Variants in ZNF385D observed in about 807,000 individuals in gnomAD.
ZNF385D encodes zinc finger protein 659.
ZNF385D carries 15 observed loss-of-function variants against 35.8 expected under a neutral mutation model. That is an observed-to-expected ratio of 0.42 (90% CI 0.28 to 0.64). The LOEUF (loss-of-function observed/expected upper bound fraction) is 0.64. ZNF385D is among the 30% of genes least tolerant of loss of function. The probability of loss-of-function intolerance (pLI) is 0.23; values close to 1 mark genes in which losing one functional copy is unlikely to be tolerated. For synonymous variants in ZNF385D, 212 were observed against 186.8 expected, an observed-to-expected ratio of 1.13 and a Z score of -1.10; for missense variants, 474 against 494.6, an observed-to-expected ratio of 0.96 and a Z score of 0.39.
intron 3 of ZNF385D, among the ~76,000 whole-genome samples, chr3:22,148,465 G>A (rs1705005791): frequency 6.6e-6 from 1 of 152,148 alleles, no homozygotes. Flanking sequence ...TGAAACTACT[G>A]AAGGATGGGC....
At chr3:22,066,853 C>T (rs1699988268) in intron 3 of ZNF385D, among the ~76,000 whole-genome samples, 2 of 152,210 alleles carry the variant, frequency 1.3e-5, no homozygotes, top group African/African-American at 2.4e-5. Context: ...TCCTTGAAAA[C>T]ATAATCCAGG....
At chr3:21,737,240 A>G (rs1466299679) in intron 1 of ZNF385D, among the ~76,000 whole-genome samples, 2 of 152,340 alleles carry the variant, frequency 1.3e-5, no homozygotes, top group Non-Finnish European at 2.9e-5. Context: ...AGATAGATAC[A>G]TGTGTCCATG....
chr3:21,919,061 C>A (rs916183117), intron 3 of ZNF385D, among the ~76,000 whole-genome samples: 1 of 152,294 alleles, frequency 6.6e-6, no homozygotes, highest in South Asian at 2.1e-4. Flanking sequence ...TGGACATGGT[C>A]TTCTCTAATA....
At chr3:22,028,327 C>T (rs145814199) in intron 3 of ZNF385D, among the ~76,000 whole-genome samples, 248 of 152,252 alleles carry the variant, frequency 1.6e-3, no homozygotes, top group African/African-American at 5.5e-3. Context: ...CCTCTGTCAT[C>T]GCCCAGTGGG....
intron 3 of ZNF385D, among the ~76,000 whole-genome samples, chr3:22,081,060 A>G (rs934742656): frequency 1.3e-5 from 2 of 152,160 alleles, no homozygotes; most frequent in African/African-American, 4.8e-5. Context: ...TTTTCCAGAT[A>G]TCTCCAACTA....
intron 2 of ZNF385D, among the ~76,000 whole-genome samples, chr3:22,335,604 A>G (rs1291950700): frequency 6.6e-6 from 1 of 152,098 alleles, no homozygotes; most frequent in African/African-American, 2.4e-5. Context: ...GTTCTCCCTC[A>G]CTGCAACAGG....
chr3:21,460,432 A>G (rs1703092195), intron 4 of ZNF385D, among the ~76,000 whole-genome samples: 6 of 152,216 alleles, frequency 3.9e-5, no homozygotes, highest in Admixed American at 3.9e-4. Context: ...AACTTTGATT[A>G]TGCTAAACTA....
At chr3:21,907,505 G>C (rs1280037947) in intron 3 of ZNF385D, among the ~76,000 whole-genome samples, 1 of 152,030 alleles carries the variant, frequency 6.6e-6, no homozygotes, top group Non-Finnish European at 1.5e-5. Flanking sequence ...AGTCCTTATG[G>C]TTGGAATTCA....
At chr3:22,179,496 C>T (rs561051766) in intron 2 of ZNF385D, among the ~76,000 whole-genome samples, 47 of 152,276 alleles carry the variant, frequency 3.1e-4, no homozygotes, top group Middle Eastern at 6.8e-3. Context: ...GCTGAGACGA[C>T]GGGGTTTTCT....
chr3:21,584,871 C>T (rs950881089), intron 2 of ZNF385D, among the ~76,000 whole-genome samples: 19 of 152,170 alleles, frequency 1.2e-4, no homozygotes, highest in Admixed American at 3.3e-4. Context: ...ATTCCATGCA[C>T]TTCATGTACC....
At chr3:21,911,683 A>G (rs1273977758) in intron 3 of ZNF385D, among the ~76,000 whole-genome samples, 3 of 151,948 alleles carry the variant, frequency 2.0e-5, no homozygotes, top group East Asian at 1.9e-4. Flanking sequence ...TATTAACATT[A>G]AAAGCCATTA....
rs550595881 is a variant in ZNF385D at position 21,890,076 on chromosome 3, T to C, written c.326-225048A>G. 2.0e-5 allele frequency among the ~76,000 whole-genome samples: 3 copies of C among 152,250 alleles called. No homozygotes were observed. The South Asian group carries it at 6.2e-4, about 32-fold the overall frequency. ...TTAAATACCCTATCTGCAAATAACATCAAATTCAGCTGTACTGTGGATTTG... is the reference window on the plus strand; with the variant it reads ...TTAAATACCCTATCTGCAAATAACACCAAATTCAGCTGTACTGTGGATTTG... On this transcript the variant is annotated intron_variant, in intron 3 of 5. Transcript: ENST00000494108.
At chr3:22,020,251 C>G (rs1256827525) in intron 3 of ZNF385D, among the ~76,000 whole-genome samples, 1 of 151,722 alleles carries the variant, frequency 6.6e-6, no homozygotes, top group Non-Finnish European at 1.5e-5. Context: ...AGAATAGGAG[C>G]CAGCAAGGTC....
At chr3:21,823,928 G>A (rs972812340) in intron 3 of ZNF385D, among the ~76,000 whole-genome samples, 14 of 152,132 alleles carry the variant, frequency 9.2e-5, no homozygotes, top group African/African-American at 3.4e-4. Context: ...CAAATCTCAG[G>A]TGAAGTTGTC....
At chr3:22,250,220 T>C (rs1699993217) in intron 2 of ZNF385D, among the ~76,000 whole-genome samples, 1 of 152,160 alleles carries the variant, frequency 6.6e-6, no homozygotes, top group Admixed American at 6.6e-5. Flanking sequence ...TGAAAATTTC[T>C]TTATAGATAT....
chr3:21,766,774 G>A (rs2070848037), intron 3 of ZNF385D, among the ~76,000 whole-genome samples: 1 of 151,964 alleles, frequency 6.6e-6, no homozygotes, highest in Admixed American at 6.6e-5. Context: ...TTAGTTAGAA[G>A]GAGAAATAAA....
chr3:21,634,833 T>C (rs1341941902), intron 2 of ZNF385D, among the ~76,000 whole-genome samples: 1 of 151,908 alleles, frequency 6.6e-6, no homozygotes, highest in Non-Finnish European at 1.5e-5. Flanking sequence ...TTTTTTTGGA[T>C]GGCAATATTT....
At chr3:22,197,762 C>A (rs911405274) in intron 2 of ZNF385D, among the ~76,000 whole-genome samples, 2 of 152,130 alleles carry the variant, frequency 1.3e-5, no homozygotes, top group Non-Finnish European at 2.9e-5. Context: ...CATGACCCTG[C>A]ATGGTTTAGG....
chr3:22,218,871 C>G (rs1225657224), intron 2 of ZNF385D, among the ~76,000 whole-genome samples: 1 of 151,960 alleles, frequency 6.6e-6, no homozygotes, highest in South Asian at 2.1e-4. Context: ...ATCTAGGTAG[C>G]CATTACTAGA....
Sources: gnomAD v4.1 joint callset for allele counts (sites outside exome capture counted in the v4.1 genomes callset) on GRCh38, gnomAD v4.1.1 for gene constraint, MANE v1.5 for transcripts, NCBI Gene and HGNC (gene_info 2026-07-23, HGNC 2026-07-21) for gene names.